The following ASNS variants were observed in gnomAD, a reference collection of about 807,000 sequenced individuals.
The protein encoded by ASNS is asparagine synthetase (glutamine-hydrolyzing), also known as asparagine synthetase [glutamine-hydrolyzing].
Under a neutral mutation model 62.6 loss-of-function variants are expected in ASNS, and 37 were observed. That is an observed-to-expected ratio of 0.59 (90% CI 0.45 to 0.78). The LOEUF (loss-of-function observed/expected upper bound fraction) is 0.78, where lower values mean the gene tolerates loss of function less well. Ranked by LOEUF, ASNS falls within the 30% of genes least tolerant of loss-of-function variation. The probability of loss-of-function intolerance (pLI) is 0.00; values close to 1 mark genes in which losing one functional copy is unlikely to be tolerated. For missense variants in ASNS, 520 were observed against 682.4 expected, an observed-to-expected ratio of 0.76 and a Z score of 2.65; for synonymous variants, 207 against 237.9, an observed-to-expected ratio of 0.87 and a Z score of 1.19.
chr7:97,886,571 GA>G, the ASNS span, among the ~76,000 whole-genome samples: 14 of 152,044 alleles, frequency 9.2e-5, no homozygotes, highest in Admixed American at 3.9e-4. Flanking sequence ...TTTTGGAGGG[GA>G]GAAGTGGGGC....
At chr7:97,856,351 C>T (rs1791435090) in intron 8 of ASNS, among the ~76,000 whole-genome samples, 1 of 152,116 alleles carries the variant, frequency 6.6e-6, no homozygotes, top group East Asian at 1.9e-4. Context: ...AAATGCATTA[C>T]CAAAAAGACC....
At chr7:97,904,138 T>C in the ASNS span, among the ~76,000 whole-genome samples, 1 of 152,214 alleles carries the variant, frequency 6.6e-6, no homozygotes, top group Non-Finnish European at 1.5e-5. Context: ...TTTATAGACA[T>C]CCCACACTGT....
Position 97,858,234 on chromosome 7 carries a change from TCTACTCTAA to T in ASNS, c.903+35_903+43del, listed in dbSNP as rs1164123394. On this transcript the variant is annotated intron_variant, in intron 7 of 12. Coordinates refer to ENST00000394308, the MANE Select transcript of ASNS (RefSeq NM_001673.5). ...ACTCCATTTTCATTCTAATAACAAG[TCTACTCTAA>T]CTACACTACACAAGGGACAGAGACA... 1.9e-6 allele frequency: 3 copies of T among 1,600,102 alleles called. No homozygotes were observed. The African/African-American group carries it at 4.0e-5, about 21-fold the overall frequency.
At chr7:97,921,424 G>T in the ASNS span, among the ~76,000 whole-genome samples, 1 of 152,230 alleles carries the variant, frequency 6.6e-6, no homozygotes, top group Non-Finnish European at 1.5e-5. Context: ...TGAAATGGGT[G>T]TGGCTGTATT....
the ASNS span, among the ~76,000 whole-genome samples, chr7:97,907,191 T>C: frequency 1.3e-5 from 2 of 152,222 alleles, no homozygotes; most frequent in African/African-American, 4.8e-5. Flanking sequence ...GTTCAAATGT[T>C]ACCTCTTAAC....
At chr7:97,857,382 G>A (rs1357941654) in intron 7 of ASNS, among the ~76,000 whole-genome samples, 1 of 152,034 alleles carries the variant, frequency 6.6e-6, no homozygotes, top group African/African-American at 2.4e-5. Flanking sequence ...TCTGCCCACA[G>A]TATTCTAAAT....
intron 3 of ASNS, among the ~76,000 whole-genome samples, chr7:97,866,921 G>A (rs527993060): frequency 6.6e-6 from 1 of 152,178 alleles, no homozygotes; most frequent in South Asian, 2.1e-4. Context: ...CTGCCTGAAG[G>A]GTTAGTGACC....
chr7:97,854,089 TG>T (rs1308882571), intron 10 of ASNS, among the ~76,000 whole-genome samples: 1 of 152,238 alleles, frequency 6.6e-6, no homozygotes, highest in Non-Finnish European at 1.5e-5. Flanking sequence ...CAAAGAAACC[TG>T]GTTCTTTATA....
chr7:97,870,868 G>T (rs1792221608), intron 1 of ASNS, among the ~76,000 whole-genome samples: 1 of 152,046 alleles, frequency 6.6e-6, no homozygotes, highest in African/African-American at 2.4e-5. Flanking sequence ...GGGGAAAAAG[G>T]GAGAACAAAG....
chr7:97,898,580 C>A, the ASNS span: 1 of 608,726 alleles, frequency 1.6e-6, no homozygotes, highest in Non-Finnish European at 3.0e-6. Context: ...CCACTTCTTT[C>A]AAGTCATTTG....
rs751735389 is a variant in ASNS at position 97,852,317 on chromosome 7, T to C, written c.1628A>G (p.Asn543Ser). Residue 543 changes from asparagine (N) to serine (S), a missense_variant, in exon 13 of 13, where the codon AAT becomes AGT. Coordinates refer to ENST00000394308, the MANE Select transcript of ASNS (RefSeq NM_001673.5). ...CGTGCGGGCAGAAGGGTCAGTGGCA[T>C]TGATCCACTTGGGCATCCAGTAATG... ...LSHYWMPKWI[N>S]ATDPSARTLT... 1 of 1,614,146 alleles carries C rather than the reference T, an allele frequency of 6.2e-7. No individual in the cohort carries two copies. Among genetic ancestry groups the C allele is most frequent in the Admixed American group, 1.7e-5 (1 of 59,984 alleles).
At chr7:97,927,451 A>G in the ASNS span, among the ~76,000 whole-genome samples, 1 of 152,254 alleles carries the variant, frequency 6.6e-6, no homozygotes, top group Non-Finnish European at 1.5e-5. Flanking sequence ...AGAGAGGGTA[A>G]GTGGCTTGTG....
At chr7:97,859,044 C>A in intron 5 of ASNS, 89 bp from the exon 6 acceptor site, 2 of 1,396,294 alleles carry the variant, frequency 1.4e-6, no homozygotes, top group South Asian at 1.3e-5. Context: ...CAACATCTAT[C>A]ATGATGGTAT....
At chr7:97,874,206 C>A (rs75385699), upstream of ASNS, among the ~76,000 whole-genome samples, 1 of 151,808 alleles carries the variant, frequency 6.6e-6, no homozygotes, top group Non-Finnish European at 1.5e-5. Context: ...AGGAATTCAG[C>A]GATATTTCTC....
At chr7:97,897,788 C>T in the ASNS span, among the ~76,000 whole-genome samples, 4 of 152,132 alleles carry the variant, frequency 2.6e-5, no homozygotes, top group Admixed American at 6.5e-5. Flanking sequence ...AGTGTATCAA[C>T]GGGATATCTG....
At chr7:97,893,442 T>C in the ASNS span, among the ~76,000 whole-genome samples, 2 of 152,240 alleles carry the variant, frequency 1.3e-5, no homozygotes, top group Non-Finnish European at 2.9e-5. Flanking sequence ...AGAGACAGGC[T>C]TAATGGATAA....
intron 4 of ASNS, chr7:97,863,836 G>C (rs113054976): frequency 1.2e-4 from 20 of 164,958 alleles, no homozygotes; most frequent in Non-Finnish European, 2.5e-4. Context: ...CCACTGAACT[G>C]TATACTTCAA....
chr7:97,905,171 A>G, the ASNS span, among the ~76,000 whole-genome samples: 1 of 152,172 alleles, frequency 6.6e-6, no homozygotes, highest in Non-Finnish European at 1.5e-5. Flanking sequence ...ACATCATGCA[A>G]CTGTTCACCT....
At chr7:97,912,565 C>CTTTTTTTTTTTTT in the ASNS span, among the ~76,000 whole-genome samples, 1 of 41,494 alleles carries the variant, frequency 2.4e-5, no homozygotes, top group African/African-American at 1.2e-4. Context: ...GTTAACTTTG[C>CTTTTTTTTTTTTT]TTTTTTTTTT....
Sources: allele counts gnomAD v4.1 joint callset (sites outside exome capture counted in the v4.1 genomes callset), GRCh38; gene constraint gnomAD v4.1.1; transcripts MANE v1.5; gene names NCBI Gene and HGNC (gene_info 2026-07-23, HGNC 2026-07-21).